The following PPAT variants were observed in gnomAD, a reference collection of about 807,000 sequenced individuals.
PPAT encodes the protein amidophosphoribosyltransferase.
A neutral mutation model predicts 60.2 loss-of-function variants in PPAT; 20 were observed. The ratio of observed to expected loss-of-function variants is 0.33; its 90% CI spans 0.23 to 0.48. PPAT has a LOEUF of 0.48. Among genes scored for constraint, PPAT ranks in the 20% least tolerant of loss-of-function variants. The pLI is 0.99. For synonymous variants in PPAT, 194 were observed against 215.1 expected (o/e 0.90, Z 0.86); for missense variants, 349 against 629.6 (o/e 0.55, Z 4.77).
intron 1 of PPAT, chr4:56,422,297 A>T (rs1262246913): frequency 6.6e-6 from 1 of 152,094 alleles, no homozygotes; most frequent in Non-Finnish European, 1.5e-5. Flanking sequence ...TAATCTAAAT[A>T]AATAAAACAC....
At chr4:56,430,729 C>T (rs1421109066) in intron 1 of PPAT, among the ~76,000 whole-genome samples, 1 of 150,378 alleles carries the variant, frequency 6.6e-6, no homozygotes, top group Admixed American at 6.6e-5. Context: ...AAGGGTTAAC[C>T]GCACAAGAGT....
At chr4:56,422,436 A>T (rs2110059846) in intron 1 of PPAT, 2 of 151,114 alleles carry the variant, frequency 1.3e-5, no homozygotes, top group Middle Eastern at 3.4e-3. Flanking sequence ...ATAAAAAACA[A>T]GGTCTTGACA....
chr4:56,429,451 G>A (rs1389822082), intron 1 of PPAT, among the ~76,000 whole-genome samples: 1 of 152,142 alleles, frequency 6.6e-6, no homozygotes, highest in Non-Finnish European at 1.5e-5. Context: ...AATAATGGGA[G>A]CTGTAATTCC....
chr4:56,400,090 A>T (rs1316454809), intron 8 of PPAT: 1 of 152,226 alleles, frequency 6.6e-6, no homozygotes, highest in African/African-American at 2.4e-5. Flanking sequence ...GATGAACACC[A>T]TGGGTTTGAA....
rs986307614 is a variant in PPAT, at chr4:56,429,002, G to T, written c.128+6348C>A. On this transcript the variant is annotated intron_variant, in intron 1 of 10. Transcript: ENST00000264220. ...GAGCTTCAAGAGAAAAGCACATGAA[G>T]ATGGTAAGAGCCAGAGAAATAACAA... The T allele has an allele frequency of 3.2e-5, 31 of 966,880 alleles. No individual in the cohort carries two copies. In the African/African-American group the frequency reaches 5.1e-4, roughly 16 times the overall value. 59.9% of individuals were successfully genotyped at this position (966,880 alleles called of 1,614,324 possible). A position where few individuals can be genotyped will look rare whatever the true frequency, so the allele number is the denominator to read the frequency against.
rs1715914823 is a variant in PPAT at position 56,394,498 on chromosome 4, A to C, written c.*854T>G. 1 of 152,156 alleles carries C rather than the reference A, an allele frequency of 6.6e-6. No homozygotes were observed. Among genetic ancestry groups the C allele is most frequent in the Non-Finnish European group, 1.5e-5 (1 of 68,010 alleles). The allele number at this position is 152,156 out of a possible 1,614,324, so 9.4% of individuals were successfully genotyped here. A position where few individuals can be genotyped will look rare whatever the true frequency, so the allele number is the denominator to read the frequency against. On this transcript the variant is annotated 3_prime_UTR_variant, in exon 11 of 11. Transcript: ENST00000264220. ...AAAATTTGGTTTTTATTTCAAATGTACCAGGTTACTTGCTGAGCTTATAGT... is the reference window on the plus strand; with the variant it reads ...AAAATTTGGTTTTTATTTCAAATGTCCCAGGTTACTTGCTGAGCTTATAGT...
intron 1 of PPAT, among the ~76,000 whole-genome samples, chr4:56,431,015 G>A (rs1717554990): frequency 6.6e-6 from 1 of 151,816 alleles, no homozygotes; most frequent in African/African-American, 2.4e-5. Flanking sequence ...AGTTATAAAT[G>A]GAAGGATTGA....
At chr4:56,417,835 G>GTTTTTTTTTTTTTTTTTTTTTTTT (rs1207160039) in intron 1 of PPAT, among the ~76,000 whole-genome samples, 9 of 102,512 alleles carry the variant, frequency 8.8e-5, no homozygotes, top group African/African-American at 2.8e-4. Context: ...TGAAGATTTG[G>GTTTTTTTTTTTTTTTTTTTTTTTT]TTTTTTGTTT....
intron 1 of PPAT, chr4:56,425,418 G>T (rs547169007): frequency 1.1e-6 from 1 of 941,554 alleles, no homozygotes; most frequent in Non-Finnish European, 1.3e-6. Context: ...TCAGAAAACC[G>T]AAGACTTACA....
intron 8 of PPAT, 35 bp downstream of exon 8, chr4:56,400,749 G>T: frequency 6.3e-7 from 1 of 1,583,516 alleles, no homozygotes; most frequent in South Asian, 1.1e-5. Flanking sequence ...ACAGCTGGGA[G>T]AGCAATTCAC....
At chr4:56,419,572 T>C (rs1716937048) in intron 1 of PPAT, 2 of 573,946 alleles carry the variant, frequency 3.5e-6, no homozygotes, top group South Asian at 1.5e-4. Flanking sequence ...CCTTGTCTGA[T>C]GTATATAATG....
In PPAT at chr4:56,435,393, C is replaced by A. The variant is rs1188016425; in HGVS notation, c.85G>T (p.Val29Leu). Reference protein sequence around the residue: ...ASGEWPTQLDVPHVITLGLVG... With the variant: ...ASGEWPTQLDLPHVITLGLVG... ...AGTCCCAGAGTGATCACATGCGGTA[C>A]ATCCAGCTGCGTGGGCCACTCTCCT... Residue 29 changes from valine to leucine, a missense_variant, in exon 1 of 11, where the codon GTA (valine) becomes TTA (leucine). Val to Leu is a conservative substitution (Grantham distance 32). Around this residue, in one of 5 missense-constraint regions of PPAT, gnomAD observed 115 missense variants for 174.5 expected, o/e 0.66. Coordinates refer to ENST00000264220, the MANE Select transcript of PPAT (RefSeq NM_002703.5). 1 of 1,613,844 alleles carries A rather than the reference C, an allele frequency of 6.2e-7. No individual in the cohort carries two copies. Among genetic ancestry groups the A allele is most frequent in the Admixed American group, 1.7e-5 (1 of 59,998 alleles).
intron 1 of PPAT, among the ~76,000 whole-genome samples, chr4:56,427,143 G>T (rs1214612374): frequency 6.6e-6 from 1 of 152,146 alleles, no homozygotes; most frequent in African/African-American, 2.4e-5. Flanking sequence ...GGTTATCTGG[G>T]TTGTTTCTGC....
At position 56,395,373 on chromosome 4, in the gene PPAT, A is replaced by G; in HGVS notation, c.1533T>C (p.Tyr511=). 6.2e-7 allele frequency: 1 copy of G among 1,607,708 alleles called. No homozygotes were observed. The highest frequency in any genetic ancestry group is 8.5e-7 in the Non-Finnish European group (1 of 1,175,920). The change falls in exon 11 of 11, where the codon TAT becomes TAC. Residue 511 remains tyrosine, a synonymous_variant. Transcript: ENST00000264220. ...GHCTACLTGK[Y]PVELEW ...CCAGCTACCATTCTAATTCTACAGGATATTTTCCAGTGAGACAAGCTGTAC... is the reference window on the plus strand; with the variant it reads ...CCAGCTACCATTCTAATTCTACAGGGTATTTTCCAGTGAGACAAGCTGTAC...
chr4:56,420,583 G>A (rs1398302659), intron 1 of PPAT: 1 of 152,158 alleles, frequency 6.6e-6, no homozygotes, highest in Non-Finnish European at 1.5e-5. Context: ...ATACAAAAAG[G>A]AGGAAATAAA....
chr4:56,435,610 G>T lies in PPAT; in HGVS notation c.-133C>A. ...CTCTTCCTTCCCGAGGGTGGCCCCA[G>T]CTACTGCGGCGGCGCGCGCTGTCCC... On this transcript the variant is annotated 5_prime_UTR_variant, in exon 1 of 11. In the 5' UTR this introduces an upstream ATG that the reference lacks. Transcript: ENST00000264220. 6.6e-7 allele frequency: 1 copy of T among 1,505,648 alleles called. No individual in the cohort carries two copies. The highest frequency in any genetic ancestry group is 8.9e-7 in the Non-Finnish European group (1 of 1,118,200). 93.3% of individuals were successfully genotyped at this position (1,505,648 alleles called of 1,614,324 possible).
chr4:56,434,153 G>C (rs1424705035), intron 1 of PPAT, among the ~76,000 whole-genome samples: 2 of 152,252 alleles, frequency 1.3e-5, no homozygotes, highest in East Asian at 3.9e-4. Context: ...TTGGAGCTAC[G>C]CAAGTTAAAA....
At chr4:56,412,685 T>C (rs934424027) in intron 1 of PPAT, among the ~76,000 whole-genome samples, 1 of 152,190 alleles carries the variant, frequency 6.6e-6, no homozygotes, top group African/African-American at 2.4e-5. Context: ...TGATTTTTGG[T>C]CAGTCACTAA....
At chr4:56,427,363 A>G (rs554454345) in intron 1 of PPAT, among the ~76,000 whole-genome samples, 93 of 152,298 alleles carry the variant, frequency 6.1e-4, no homozygotes, top group African/African-American at 2.1e-3. Context: ...TTCTGGGTTT[A>G]TATGTAGGAG....
Sources: allele counts gnomAD v4.1 joint callset (sites outside exome capture counted in the v4.1 genomes callset), GRCh38; gene constraint gnomAD v4.1.1; regional missense constraint gnomAD v4.1.1; transcripts MANE v1.5; gene names NCBI Gene and HGNC (gene_info 2026-07-23, HGNC 2026-07-21).